The following TASL variants were observed in gnomAD, a reference collection of about 807,000 sequenced individuals.
TASL encodes the protein TLR adaptor interacting with endolysosomal SLC15A4, also known as TLR adapter interacting with SLC15A4 on the lysosome.
In TASL, 6 loss-of-function variants were observed where a neutral mutation model predicts 12.9. That is an observed-to-expected ratio of 0.46 (90% CI 0.25 to 0.92). TASL has a LOEUF of 0.92. TASL is among the 40% of genes least tolerant of loss of function. TASL has a pLI of 0.17. For synonymous variants in TASL, 85 were observed against 79.3 expected (o/e 1.07, Z -0.38); for missense variants, 165 against 212.8 (o/e 0.78, Z 1.40).
At chrX:30,561,875 A>AAT in intron 2 of TASL, among the ~76,000 whole-genome samples, 1 of 109,789 alleles carries the variant, frequency 9.1e-6, no homozygotes, top group East Asian at 2.9e-4. Flanking sequence ...AAAAAAAAAA[A>AAT]GTTGTCCTCT....
chrX:30,558,862 C>T lies in TASL; in HGVS notation c.*588G>A. ...CACTCTTGTTGCCCAGGCTGGAGTG[C>T]AATGGAGCGACCTCGGCTCACTGCA... On this transcript the variant is annotated 3_prime_UTR_variant, in exon 3 of 3. Coordinates refer to ENST00000378962, the MANE Select transcript of TASL (RefSeq NM_025159.3). The T allele has an allele frequency of 9.0e-6, 1 of 110,952 alleles. No homozygotes were observed. Among genetic ancestry groups the T allele is most frequent in the Non-Finnish European group, 1.9e-5 (1 of 52,914 alleles). 9.1% of individuals were successfully genotyped at this position (110,952 alleles called of 1,213,427 possible).
At chrX:30,562,248 A>G (rs1352911018) in intron 2 of TASL, among the ~76,000 whole-genome samples, 6 of 112,346 alleles carry the variant, frequency 5.3e-5, no homozygotes, top group Admixed American at 9.4e-5. Context: ...CTTAAGGCAT[A>G]ATATTTATGC....
At chrX:30,567,059 C>A (rs1043210987) in intron 2 of TASL, among the ~76,000 whole-genome samples, 8 of 110,666 alleles carry the variant, frequency 7.2e-5, no homozygotes, top group Non-Finnish European at 1.5e-4. Flanking sequence ...GAGGCTGAGG[C>A]GGGAGAATCA....
chrX:30,570,259 CATAT>C (rs1276759425), intron 2 of TASL, among the ~76,000 whole-genome samples: 13 of 108,039 alleles, frequency 1.2e-4, no homozygotes, highest in African/African-American at 4.0e-4. Context: ...CACACACACA[CATAT>C]ATATGAAGAG....
At chrX:30,571,254 AAG>A (rs71666857) in intron 2 of TASL, among the ~76,000 whole-genome samples, 1,079 of 44,901 alleles carry the variant, frequency 0.024, 127 homozygotes, top group African/African-American at 0.052. Context: ...AAGAGAAAGA[AAG>A]AGAAAGAAAG....
rs1930704495 is a variant in TASL at position 30,576,350 on chromosome X, C to T, written c.-2+402G>A. On this transcript the variant is annotated intron_variant, in intron 2 of 2. Coordinates refer to ENST00000378962, the MANE Select transcript of TASL (RefSeq NM_025159.3). ...ACTTTCAAACCATTCAGGGAAAAAA[C>T]TGTGCATATGTGCATGCGTGTGTGT... is the stretch of plus-strand genomic sequence containing the variant. Among the ~76,000 whole-genome samples the T allele has an allele frequency of 2.7e-5, 3 of 111,136 alleles. No homozygotes were observed. In the South Asian group the frequency reaches 1.1e-3, roughly 41 times the overall value.
intron 2 of TASL, among the ~76,000 whole-genome samples, chrX:30,571,417 G>C (rs1314063219): frequency 9.1e-6 from 1 of 110,193 alleles, no homozygotes. Context: ...TCAGGAGTTT[G>C]AGACCAGCCT....
intron 2 of TASL, among the ~76,000 whole-genome samples, chrX:30,562,462 G>A (rs781030826): frequency 3.6e-5 from 4 of 111,612 alleles, no homozygotes; most frequent in Non-Finnish European, 7.5e-5. Flanking sequence ...ACATCAGCAT[G>A]CTGCTGAGAG....
At chrX:30,563,593 G>T (rs1341569591) in intron 2 of TASL, among the ~76,000 whole-genome samples, 1 of 111,875 alleles carries the variant, frequency 8.9e-6, no homozygotes, top group African/African-American at 3.2e-5. Context: ...ATGCAGCCAG[G>T]TGACACTCCC....
chrX:30,559,602 T>C lies in TASL; in HGVS notation c.754A>G (p.Ile252Val). 8.3e-7 allele frequency: 1 copy of C among 1,211,074 alleles called. No homozygotes were observed. Among genetic ancestry groups the C allele is most frequent in the Non-Finnish European group, 1.1e-6 (1 of 894,962 alleles). ...SELIMTSVDQ[I>V]SLQVSREKNL... Reference sequence around the variant, plus strand: ...TTCTCTCTAGACACTTGAAGACTGATTTGGTCTACACTTGTCATGATGAGT... The same window carrying C: ...TTCTCTCTAGACACTTGAAGACTGACTTGGTCTACACTTGTCATGATGAGT... The change falls in exon 3 of 3, where the codon ATC (isoleucine) becomes GTC (valine). Residue 252 changes from isoleucine to valine, a missense_variant. Coordinates refer to ENST00000378962, the MANE Select transcript of TASL (RefSeq NM_025159.3).
chrX:30,576,197 T>C (rs1316940135), intron 2 of TASL, among the ~76,000 whole-genome samples: 1 of 111,956 alleles, frequency 8.9e-6, no homozygotes, highest in African/African-American at 3.2e-5. Context: ...TATCACATCT[T>C]AGATAATAGT....
chrX:30,563,683 T>C (rs1041533699), intron 2 of TASL, among the ~76,000 whole-genome samples: 3 of 111,637 alleles, frequency 2.7e-5, no homozygotes, highest in African/African-American at 6.5e-5. Flanking sequence ...GGAATACCAG[T>C]TGAGGGTAAA....
At chrX:30,575,919 T>C (rs1443493997) in intron 2 of TASL, among the ~76,000 whole-genome samples, 1 of 111,823 alleles carries the variant, frequency 8.9e-6, no homozygotes, top group African/African-American at 3.2e-5. Context: ...GGATCATTTT[T>C]TGAATCACTT....
intron 2 of TASL, among the ~76,000 whole-genome samples, chrX:30,574,140 C>T (rs1930672707): frequency 9.1e-6 from 1 of 110,002 alleles, no homozygotes; most frequent in Non-Finnish European, 1.9e-5. Context: ...CCATGCCTAT[C>T]CCAGGGATTT....
chrX:30,567,615 G>A (rs1343626928), intron 2 of TASL, among the ~76,000 whole-genome samples: 1 of 111,666 alleles, frequency 9.0e-6, no homozygotes, highest in East Asian at 2.8e-4. Flanking sequence ...CGGCCACTCT[G>A]TATAGTGAGA....
chrX:30,566,875 T>C (rs1930504831), intron 2 of TASL, among the ~76,000 whole-genome samples: 1 of 112,178 alleles, frequency 8.9e-6, no homozygotes, highest in Non-Finnish European at 1.9e-5. Flanking sequence ...CTACTGTGAC[T>C]GAAATTTTAA....
In TASL at chrX:30,569,579, G is replaced by T. The variant is rs550256459; in HGVS notation, c.-2+7173C>A. On this transcript the variant is annotated intron_variant, in intron 2 of 2. Transcript: ENST00000378962. ...CTTGCAGGCAGTAGGAATTTATATT[G>T]GGGGCTTGAGGAGCTTTCTAGGTTT... 4.5e-5 allele frequency among the ~76,000 whole-genome samples: 5 copies of T among 111,722 alleles called. No individual in the cohort carries two copies. In the South Asian group the frequency reaches 1.9e-3, roughly 42 times the overall value.
At chrX:30,577,450 T>A (rs1168843623) in intron 1 of TASL, among the ~76,000 whole-genome samples, 188 bp downstream of exon 1, 1 of 111,998 alleles carries the variant, frequency 8.9e-6, no homozygotes, top group East Asian at 2.8e-4. Context: ...TAATTTCTCT[T>A]TATTTTTCAA....
Position 30,559,368 on chromosome X carries a change from C to T in TASL, c.*82G>A. ...AGCCCTTAATTCCCCTTCACTAACC[C>T]CTCCTGCACATTCTCAGAATAAATG... On this transcript the variant is annotated 3_prime_UTR_variant, in exon 3 of 3. Coordinates refer to ENST00000378962, the MANE Select transcript of TASL (RefSeq NM_025159.3). 1 of 753,217 alleles carries T rather than the reference C, an allele frequency of 1.3e-6. No individual in the cohort carries two copies. The highest frequency in any genetic ancestry group is 2.1e-5 in the African/African-American group (1 of 47,363). The allele number at this position is 753,217 out of a possible 1,213,427, so 62.1% of individuals were successfully genotyped here.
Sources: gnomAD v4.1 joint callset for allele counts (sites outside exome capture counted in the v4.1 genomes callset) on GRCh38, gnomAD v4.1.1 for gene constraint, MANE v1.5 for transcripts, NCBI Gene and HGNC (gene_info 2026-07-23, HGNC 2026-07-21) for gene names.